The following LRRC2 variants were observed in gnomAD, a reference collection of about 807,000 sequenced individuals.
LRRC2 encodes leucine rich repeat containing 2.
A neutral mutation model predicts 40.2 loss-of-function variants in LRRC2; 27 were observed. That is an observed-to-expected ratio of 0.67 (90% CI 0.49 to 0.93). The LOEUF is 0.93. LRRC2 is among the 40% of genes least tolerant of loss of function. The pLI, the probability that LRRC2 is intolerant of heterozygous loss-of-function variation, is 0.00. For synonymous variants in LRRC2, 147 were observed against 158.9 expected (o/e 0.92, Z 0.56); for missense variants, 402 against 439.6 (o/e 0.91, Z 0.76).
chr3:46,520,313 C>T (rs979087753), intron 8 of LRRC2, among the ~76,000 whole-genome samples: 3 of 151,488 alleles, frequency 2.0e-5, no homozygotes, highest in African/African-American at 7.3e-5. Context: ...CATAATAGCA[C>T]TACAATATAA....
intron 2 of LRRC2, among the ~76,000 whole-genome samples, chr3:46,550,876 A>G (rs1704630453): frequency 1.3e-5 from 2 of 152,208 alleles, no homozygotes; most frequent in Non-Finnish European, 2.9e-5. Flanking sequence ...AGGGAATAAA[A>G]ATTGCAGACA....
chr3:46,550,554 G>C (rs991988813), intron 2 of LRRC2, among the ~76,000 whole-genome samples: 1 of 151,934 alleles, frequency 6.6e-6, no homozygotes, highest in African/African-American at 2.4e-5. Context: ...ACCACGCCCG[G>C]CTAATTTTTT....
intron 1 of LRRC2, among the ~76,000 whole-genome samples, chr3:46,554,005 T>G (rs910846738): frequency 1.5e-5 from 2 of 137,372 alleles, no homozygotes; most frequent in African/African-American, 2.5e-5. Flanking sequence ...TTTCATTGGT[T>G]GTTGTTGTTG....
Position 46,522,760 on chromosome 3 carries a change from AACACACACACACACACACACACACAC to A in LRRC2, c.930-1128_930-1103del, listed in dbSNP as rs71098411. 2.1e-5 allele frequency among the ~76,000 whole-genome samples: 3 copies of A among 143,438 alleles called. No homozygotes were observed. In the East Asian group the frequency reaches 6.0e-4, roughly 29 times the overall value. The allele number at this position is 143,438 out of a possible 152,430, so 94.1% of individuals were successfully genotyped here. A position where few individuals can be genotyped will look rare whatever the true frequency, so the allele number is the denominator to read the frequency against. On this transcript the variant is annotated intron_variant, in intron 7 of 8. Coordinates refer to ENST00000395905, the MANE Select transcript of LRRC2 (RefSeq NM_024512.5). ...ATTAAATAAAAGATGAACTACTGCT[AACACACACACACACACACACACACAC>A]ACACACACACACACACACACACAAG... is the stretch of plus-strand genomic sequence containing the variant.
Position 46,529,973 on chromosome 3 carries a change from C to G in LRRC2, c.705G>C (p.Arg235=), listed in dbSNP as rs1228735443. The part of the protein sequence containing the change: ...KFSSVPICVL[R]MSNLQWLDIS... Reference sequence around the variant, plus strand: ...TATCCAACCACTGCAAATTCGACATCCGCAGGACACAGATTGGGACACTGG... The same window carrying G: ...TATCCAACCACTGCAAATTCGACATGCGCAGGACACAGATTGGGACACTGG... The change falls in exon 6 of 9, where the codon CGG becomes CGC. Residue 235 remains arginine (R), a synonymous_variant. Coordinates refer to ENST00000395905, the MANE Select transcript of LRRC2 (RefSeq NM_024512.5). The G allele has an allele frequency of 7.4e-6, 12 of 1,614,000 alleles. No homozygotes were observed. The highest frequency in any genetic ancestry group is 8.5e-7 in the Non-Finnish European group (1 of 1,180,012).
intron 1 of LRRC2, chr3:46,558,449 G>A (rs1334257009): frequency 6.6e-6 from 1 of 152,150 alleles, no homozygotes; most frequent in Non-Finnish European, 1.5e-5. Flanking sequence ...AGTCTTCGTG[G>A]TGCTATTCAG....
At chr3:46,539,309 A>G (rs1704335964) in intron 3 of LRRC2, 108 bp from the exon 4 acceptor site, 1 of 1,084,444 alleles carries the variant, frequency 9.2e-7, no homozygotes, top group Non-Finnish European at 1.3e-6. Context: ...CAGACACGAG[A>G]GCATAAAACT....
At chr3:46,519,591 T>C (rs928895972) in intron 8 of LRRC2, among the ~76,000 whole-genome samples, 1 of 152,212 alleles carries the variant, frequency 6.6e-6, no homozygotes, top group African/African-American at 2.4e-5. Flanking sequence ...TACCAATGGC[T>C]CTCAAAGTGT....
intron 3 of LRRC2, among the ~76,000 whole-genome samples, chr3:46,541,124 G>A (rs905866215): frequency 6.6e-6 from 1 of 152,142 alleles, no homozygotes; most frequent in Non-Finnish European, 1.5e-5. Context: ...ACGAGGTCAG[G>A]AGATCGAGAC....
chr3:46,543,185 G>A (rs982596524), intron 3 of LRRC2, among the ~76,000 whole-genome samples: 2 of 152,170 alleles, frequency 1.3e-5, no homozygotes, highest in African/African-American at 4.8e-5. Context: ...AACAGAGTAC[G>A]GCTTAGGGGA....
At chr3:46,526,131 T>G (rs1229835944) in intron 7 of LRRC2, among the ~76,000 whole-genome samples, 1 of 152,192 alleles carries the variant, frequency 6.6e-6, no homozygotes, top group Non-Finnish European at 1.5e-5. Flanking sequence ...TTTTTGTATT[T>G]TTAGTAGAGA....
intron 3 of LRRC2, among the ~76,000 whole-genome samples, chr3:46,540,206 T>C (rs1383345057): frequency 6.6e-6 from 1 of 152,220 alleles, no homozygotes; most frequent in Admixed American, 6.5e-5. Context: ...CACTCTAGTA[T>C]TATCTCATGC....
At chr3:46,551,669 ATAAACT>A (rs1704657331) in intron 1 of LRRC2, 59 bp from the exon 2 acceptor site, 1 of 1,303,398 alleles carries the variant, frequency 7.7e-7, no homozygotes, top group African/African-American at 1.5e-5. Flanking sequence ...CAGTTTTAAC[ATAAACT>A]TTAAAATGAA....
intron 4 of LRRC2, among the ~76,000 whole-genome samples, chr3:46,533,803 C>CTTTCTTTCTTCCTTTCTTTCTTTCTTTG (rs1704210242): frequency 8.2e-6 from 1 of 122,034 alleles, no homozygotes; most frequent in Non-Finnish European, 1.8e-5. Flanking sequence ...TTCTTTGTTT[C>CTTTCTTTCTTCCTTTCTTTCTTTCTTTG]TTTCTTTCTT....
chr3:46,545,998 C>T (rs559425270), intron 2 of LRRC2, among the ~76,000 whole-genome samples: 1 of 152,276 alleles, frequency 6.6e-6, no homozygotes, highest in East Asian at 1.9e-4. Context: ...CCTTCAAAAC[C>T]ATCAAACACA....
At chr3:46,546,288 G>T (rs989202864) in intron 2 of LRRC2, among the ~76,000 whole-genome samples, 1 of 152,222 alleles carries the variant, frequency 6.6e-6, no homozygotes, top group African/African-American at 2.4e-5. Flanking sequence ...AAGGAAGGGT[G>T]GTTCAGAGTC....
chr3:46,549,393 C>T (rs151285502), intron 2 of LRRC2, among the ~76,000 whole-genome samples: 65 of 152,238 alleles, frequency 4.3e-4, no homozygotes, highest in African/African-American at 9.6e-4. Flanking sequence ...AAATTTACTA[C>T]CCCCATTTCT....
rs191088954 is a variant in LRRC2 at position 46,541,328 on chromosome 3, G to A, written c.334-2127C>T. Among the ~76,000 whole-genome samples, 178 of 131,200 alleles carry A rather than the reference G, an allele frequency of 1.4e-3. 2 individuals carry two copies. Among genetic ancestry groups the A allele is most frequent in the Middle Eastern group, 9.0e-3 (2 of 222 alleles). The allele number at this position is 131,200 out of a possible 152,430, so 86.1% of individuals were successfully genotyped here. ...AGCCTGGGCGACAGAGCGAGACTCC[G>A]TCTCAAAAAAAAAAAAAAAAGAAAA... On this transcript the variant is annotated intron_variant, in intron 3 of 8. Coordinates refer to ENST00000395905, the MANE Select transcript of LRRC2 (RefSeq NM_024512.5).
In LRRC2 at chr3:46,532,873, A is replaced by C; in HGVS notation, c.527T>G (p.Phe176Cys). Residue 176 changes from phenylalanine (F) to cysteine (C), a missense_variant, in exon 5 of 9, where the codon TTC becomes TGC. By Grantham distance (205) the Phe-to-Cys change is radical. Coordinates refer to ENST00000395905, the MANE Select transcript of LRRC2 (RefSeq NM_024512.5). The stretch of plus-strand genomic sequence containing the variant: ...TGGAGGAATGCTCTTCAGATAGTTG[A>C]AACCCACATTGAGTTCTTTCAGGTT... ...LKNLKELNVG[F>C]NYLKSIPPEL... 6.2e-7 allele frequency: 1 copy of C among 1,614,064 alleles called. No individual in the cohort carries two copies. Among genetic ancestry groups the C allele is most frequent in the Non-Finnish European group, 8.5e-7 (1 of 1,179,958 alleles).
Sources: gnomAD v4.1 joint callset for allele counts (sites outside exome capture counted in the v4.1 genomes callset) on GRCh38, gnomAD v4.1.1 for gene constraint, MANE v1.5 for transcripts, NCBI Gene and HGNC (gene_info 2026-07-23, HGNC 2026-07-21) for gene names.